Variants in CHD8 observed in about 807,000 individuals in gnomAD.
CHD8 encodes the protein chromodomain helicase DNA binding protein 8.
A neutral mutation model predicts 279.2 loss-of-function variants in CHD8; 31 were observed. The ratio of observed to expected loss-of-function variants is 0.11; its 90% CI spans 0.08 to 0.15. The LOEUF is 0.15. Among genes scored for constraint, CHD8 ranks in the 10% least tolerant of loss-of-function variants. CHD8 has a pLI of 1.00. For synonymous variants in CHD8, 1,081 were observed against 1,139.6 expected, an observed-to-expected ratio of 0.95 and a Z score of 1.04; for missense variants, 2,146 against 3,230.5, an observed-to-expected ratio of 0.66 and a Z score of 8.14.
rs552174058 is a variant in CHD8, at chr14:21,425,941, A to C, written c.1716+187T>G. On this transcript the variant is annotated intron_variant, in intron 5 of 37. Transcript: ENST00000646647. ...GAGAGAGCAAGACTCTGTCTCAAGA[A>C]GAAGAAAACAACAACAACAACAGAA... 3.0e-4 allele frequency: 169 copies of C among 555,544 alleles called. 2 individuals carry two copies. The South Asian group carries it at 4.1e-3, about 14-fold the overall frequency. The allele number at this position is 555,544 out of a possible 1,614,324, so 34.4% of individuals were successfully genotyped here.
At chr14:21,442,626 A>G (rs568110167) in intron 1 of CHD8, among the ~76,000 whole-genome samples, 102 of 134,630 alleles carry the variant, frequency 7.6e-4, no homozygotes, top group Non-Finnish European at 1.2e-3. Context: ...ATCAGAAAGG[A>G]GAAAAGAGAA....
chr14:21,429,522 G>A (rs950247325), intron 2 of CHD8, 187 bp from the exon 3 acceptor site: 12 of 749,148 alleles, frequency 1.6e-5, no homozygotes, highest in African/African-American at 6.8e-5. Flanking sequence ...ACAGGGTCTC[G>A]CTGTATTGCC....
At position 21,386,203 on chromosome 14, in the gene CHD8, AAAAG is replaced by A. The variant is rs764996807; in HGVS notation, c.7183-31_7183-28del. On this transcript the variant is annotated intron_variant, in intron 37 of 37. Coordinates refer to ENST00000646647, the MANE Select transcript of CHD8 (RefSeq NM_001170629.2). ...TAGGAGGAGGGAATAGAAGATAATA[AAAAG>A]AAAGAAAGGGGAAAAAAGAAAAGAA... 47 of 1,524,204 alleles carry A rather than the reference AAAAG, an allele frequency of 3.1e-5. 1 individual carries two copies. The highest frequency in any genetic ancestry group is 1.2e-4 in the East Asian group (5 of 40,628). 94.4% of individuals were successfully genotyped at this position (1,524,204 alleles called of 1,614,324 possible).
At chr14:21,419,690 G>A (rs1888927282) in intron 5 of CHD8, 1 of 210,002 alleles carries the variant, frequency 4.8e-6, no homozygotes, top group South Asian at 5.4e-5. Flanking sequence ...GTGGTGCTGG[G>A]CAAAGGCATG....
In CHD8 at chr14:21,385,877, GTGA is replaced by G; in HGVS notation, c.7479_7481del (p.His2498del). The G allele has an allele frequency of 6.4e-7, 1 of 1,550,668 alleles. No homozygotes were observed. The highest frequency in any genetic ancestry group is 8.7e-7 in the Non-Finnish European group (1 of 1,146,998). Reference sequence around the variant, plus strand: ...GGTGGGGGTGGGGGTGGTGGTGGTGGTGATGAAGCATGGTGCTGGAGTCTACAT... The same window carrying G: ...GGTGGGGGTGGGGGTGGTGGTGGTGGTGAAGCATGGTGCTGGAGTCTACAT... On this transcript the variant is annotated inframe_deletion, in exon 38 of 38. Transcript: ENST00000646647.
chr14:21,394,149 T>C lies in CHD8; in HGVS notation c.5646A>G (p.Arg1882=), dbSNP rs1167347627. Residue 1882 remains arginine, a synonymous_variant, in exon 32 of 38, where the codon AGA becomes AGG. Transcript: ENST00000646647. The stretch of plus-strand genomic sequence containing the variant: ...CTATACGGTAGAGAGTCCGTGAGGC[T>C]CTCTCCTCAGTGATGGGCTCAATGA... ...NLFIEPITEE[R]ASRTLYRIEL... 6.2e-7 allele frequency: 1 copy of C among 1,609,186 alleles called. No homozygotes were observed. The highest frequency in any genetic ancestry group is 1.3e-5 in the African/African-American group (1 of 74,774).
At position 21,431,785 on chromosome 14, in the gene CHD8, A is replaced by C; in HGVS notation, c.-142T>G. On this transcript the variant is annotated 5_prime_UTR_variant, in exon 2 of 38. Transcript: ENST00000646647. ...TACTCTTCAAGTATAGAGGCAAGAAACAAGTGCATGTCAGATTGTCCTGAC... is the reference window on the plus strand; with the variant it reads ...TACTCTTCAAGTATAGAGGCAAGAACCAAGTGCATGTCAGATTGTCCTGAC... The C allele has an allele frequency of 1.2e-6, 2 of 1,613,398 alleles. No homozygotes were observed. Among genetic ancestry groups the C allele is most frequent in the Non-Finnish European group, 1.7e-6 (2 of 1,179,430 alleles).
intron 21 of CHD8, 105 bp downstream of exon 21, chr14:21,401,298 A>G (rs1214022919): frequency 5.1e-6 from 4 of 784,034 alleles, no homozygotes; most frequent in Non-Finnish European, 6.0e-6. Context: ...TATACAATAC[A>G]CCATCATAAA....
chr14:21,405,838 T>C lies in CHD8; in HGVS notation c.2934A>G (p.Thr978=), dbSNP rs1393851689. Residue 978 remains threonine (T), a synonymous_variant, in exon 15 of 38, where the codon ACA becomes ACG. Coordinates refer to ENST00000646647, the MANE Select transcript of CHD8 (RefSeq NM_001170629.2). The surrounding 1 kb of genome is among the most constrained non-coding windows in gnomAD (Gnocchi z 4.2). ...DLEHKVLLTG[T]PLQNTVEELF... ...GTTCTTCTACAGTATTTTGCAATGGTGTTCCTGTGAGTAGCACCTTGTGTT... is the reference window on the plus strand; with the variant it reads ...GTTCTTCTACAGTATTTTGCAATGGCGTTCCTGTGAGTAGCACCTTGTGTT... 6.2e-6 allele frequency: 10 copies of C among 1,613,660 alleles called. No individual in the cohort carries two copies. In the African/African-American group the frequency reaches 8.0e-5, roughly 13 times the overall value.
chr14:21,391,794 A>C lies in CHD8; in HGVS notation c.6885+39T>G, dbSNP rs559803331. 4.0e-5 allele frequency: 62 copies of C among 1,551,628 alleles called. No individual in the cohort carries two copies. The South Asian group carries it at 6.4e-4, about 16-fold the overall frequency. On this transcript the variant is annotated intron_variant, in intron 35 of 37. Coordinates refer to ENST00000646647, the MANE Select transcript of CHD8 (RefSeq NM_001170629.2). Reference sequence around the variant, plus strand: ...CATCAATTATTGGGAATAAAAAGACAATCTAATCGTCAGGTTAAAGACTTT... The same window carrying C: ...CATCAATTATTGGGAATAAAAAGACCATCTAATCGTCAGGTTAAAGACTTT...
At chr14:21,424,219 C>T (rs1889193158) in intron 5 of CHD8, among the ~76,000 whole-genome samples, 1 of 152,144 alleles carries the variant, frequency 6.6e-6, no homozygotes, top group South Asian at 2.1e-4. Context: ...AAAAATCCAG[C>T]TTTTCCTAAA....
At chr14:21,448,965 G>A (rs907169667) in intron 1 of CHD8, among the ~76,000 whole-genome samples, 1 of 151,618 alleles carries the variant, frequency 6.6e-6, no homozygotes, top group Admixed American at 6.6e-5. Context: ...ACGAGGTCAG[G>A]AGATCGAGAC....
intron 1 of CHD8, among the ~76,000 whole-genome samples, chr14:21,446,872 T>C (rs1162456005): frequency 6.6e-6 from 1 of 152,230 alleles, no homozygotes; most frequent in African/African-American, 2.4e-5. Flanking sequence ...AATAACTGAT[T>C]ATATAATTGT....
intron 1 of CHD8, chr14:21,437,134 A>G: frequency 1.0e-6 from 1 of 999,132 alleles, no homozygotes; most frequent in African/African-American, 1.7e-5. Flanking sequence ...GAGGCCCGAC[A>G]AGCCCTGAAG....
chr14:21,448,854 C>T (rs1035275182), intron 1 of CHD8, among the ~76,000 whole-genome samples: 1 of 150,480 alleles, frequency 6.6e-6, no homozygotes, highest in African/African-American at 2.4e-5. Context: ...TGAGCCACCG[C>T]GCCTGGACCA....
In CHD8 at chr14:21,428,185, C is replaced by G. The variant is rs1566443785; in HGVS notation, c.1285G>C (p.Ala429Pro). 6.2e-7 allele frequency: 1 copy of G among 1,614,038 alleles called. No homozygotes were observed. The highest frequency in any genetic ancestry group is 2.2e-5 in the East Asian group (1 of 44,892). Residue 429 changes from alanine (A) to proline (P), a missense_variant, in exon 4 of 38, where the codon GCT becomes CCT. Coordinates refer to ENST00000646647, the MANE Select transcript of CHD8 (RefSeq NM_001170629.2). ...VKVLSASEVA[A>P]LSSPASSAPH... The stretch of plus-strand genomic sequence containing the variant: ...GCAGAGCTTGCTGGTGATGACAAAG[C>G]TGCCACTTCACTGGCACTCAGAACT...
In CHD8 at chr14:21,408,942, G is replaced by A; in HGVS notation, c.2365-117C>T. Reference sequence around the variant, plus strand: ...AACAACATTGTTTGGATTAAAACATGTCAAATATATTTAAATTTATGAGTT... The same window carrying A: ...AACAACATTGTTTGGATTAAAACATATCAAATATATTTAAATTTATGAGTT... On this transcript the variant is annotated intron_variant, in intron 11 of 37. Coordinates refer to ENST00000646647, the MANE Select transcript of CHD8 (RefSeq NM_001170629.2). This position sits in a 1 kb window ranked among gnomAD's most constrained non-coding sequence, Gnocchi z 4.3. 9.5e-7 allele frequency: 1 copy of A among 1,048,960 alleles called. No homozygotes were observed. The highest frequency in any genetic ancestry group is 1.4e-6 in the Non-Finnish European group (1 of 737,662). 65.0% of individuals were successfully genotyped at this position (1,048,960 alleles called of 1,614,324 possible). A position where few individuals can be genotyped will look rare whatever the true frequency, so the allele number is the denominator to read the frequency against.
At position 21,385,661 on chromosome 14, in the gene CHD8, A is replaced by G. The variant is rs1347438528; in HGVS notation, c.7698T>C (p.Asp2566=). Residue 2566 remains aspartate (D), a synonymous_variant, in exon 38 of 38, where the codon GAT becomes GAC. Coordinates refer to ENST00000646647, the MANE Select transcript of CHD8 (RefSeq NM_001170629.2). Reference sequence around the variant, plus strand: ...AGTCTGAGTTAGCTGGCATCATAGGATCATCAATGAGTGAGAAGTCCCTTT... The same window carrying G: ...AGTCTGAGTTAGCTGGCATCATAGGGTCATCAATGAGTGAGAAGTCCCTTT... The part of the protein sequence containing the change: ...SSERDFSLID[D]PMMPANSDSS... 1 of 1,551,806 alleles carries G rather than the reference A, an allele frequency of 6.4e-7. No homozygotes were observed. Among genetic ancestry groups the G allele is most frequent in the Non-Finnish European group, 8.7e-7 (1 of 1,147,020 alleles).
chr14:21,423,871 A>G (rs1289466045), intron 5 of CHD8, among the ~76,000 whole-genome samples: 1 of 152,212 alleles, frequency 6.6e-6, no homozygotes, highest in Non-Finnish European at 1.5e-5. Flanking sequence ...AAGGTGAGGA[A>G]ATTAAGGTAC....
Sources: allele counts gnomAD v4.1 joint callset (sites outside exome capture counted in the v4.1 genomes callset), GRCh38; gene constraint gnomAD v4.1.1; non-coding constraint Gnocchi (gnomAD v3.1); transcripts MANE v1.5; gene names NCBI Gene and HGNC (gene_info 2026-07-23, HGNC 2026-07-21).